The following CPNE8 variants were observed in gnomAD, a reference collection of about 807,000 sequenced individuals.
The protein encoded by CPNE8 is copine-8.
CPNE8 carries 45 observed loss-of-function variants against 81.5 expected under a neutral mutation model. The ratio of observed to expected loss-of-function variants is 0.55; its 90% confidence interval spans 0.44 to 0.71. The LOEUF (loss-of-function observed/expected upper bound fraction) is 0.71, where lower values mean the gene tolerates loss of function less well. CPNE8 is among the 30% of genes least tolerant of loss of function. The probability of loss-of-function intolerance (pLI) is 0.00; values close to 1 mark genes in which losing one functional copy is unlikely to be tolerated. For missense variants in CPNE8, 594 were observed against 672.1 expected, an observed-to-expected ratio of 0.88 and a Z score of 1.28; for synonymous variants, 252 against 226.3, an observed-to-expected ratio of 1.11 and a Z score of -1.02.
chr12:38,831,405 A>AT (rs1821514664), intron 5 of CPNE8, among the ~76,000 whole-genome samples: 2 of 152,168 alleles, frequency 1.3e-5, no homozygotes, highest in South Asian at 4.1e-4. Context: ...GAGGAAAAAA[A>AT]CTAGAAGCCA....
chr12:38,786,990 T>A (rs1942205779), intron 6 of CPNE8, among the ~76,000 whole-genome samples: 1 of 151,652 alleles, frequency 6.6e-6, no homozygotes, highest in Admixed American at 6.6e-5. Flanking sequence ...GAGAAACAGA[T>A]CCCAATACAA....
At chr12:38,885,740 T>G (rs76054827) in intron 1 of CPNE8, among the ~76,000 whole-genome samples, 14,674 of 152,084 alleles carry the variant, frequency 0.096, 988 homozygotes, top group African/African-American at 0.2. Flanking sequence ...CAGGTAGAAT[T>G]GTAATCCTCA....
chr12:38,761,613 G>A (rs961520128), intron 9 of CPNE8, among the ~76,000 whole-genome samples: 32 of 152,042 alleles, frequency 2.1e-4, no homozygotes, highest in African/African-American at 6.8e-4. Flanking sequence ...TGGGATGGAT[G>A]GGGTTTTTAT....
At chr12:38,868,231 A>G (rs1943943533) in intron 3 of CPNE8, among the ~76,000 whole-genome samples, 2 of 152,102 alleles carry the variant, frequency 1.3e-5, no homozygotes, top group African/African-American at 4.8e-5. Flanking sequence ...ATTATATTGC[A>G]TGCTCCCTGA....
At chr12:38,753,254 C>G (rs967862610) in intron 10 of CPNE8, among the ~76,000 whole-genome samples, 2 of 152,016 alleles carry the variant, frequency 1.3e-5, no homozygotes, top group African/African-American at 4.8e-5. Flanking sequence ...GAGTTTGAGA[C>G]AAGCCTGGTC....
intron 6 of CPNE8, among the ~76,000 whole-genome samples, chr12:38,826,959 G>A (rs1292376118): frequency 6.7e-6 from 1 of 150,104 alleles, no homozygotes; most frequent in Non-Finnish European, 1.5e-5. Context: ...CACGAGGTCA[G>A]GAGTTCGAGA....
rs148625371 is a variant in CPNE8, at chr12:38,744,893, C to T, written c.723-14535G>A. On this transcript the variant is annotated intron_variant, in intron 10 of 19. Coordinates refer to ENST00000331366, the MANE Select transcript of CPNE8 (RefSeq NM_153634.3). The stretch of plus-strand genomic sequence containing the variant: ...ATTATTCTTTTTCTTACCTTTCCTA[C>T]CAACCTAATATAGGTTTTCATTACT... 3.0e-3 allele frequency among the ~76,000 whole-genome samples: 455 copies of T among 152,334 alleles called. 5 individuals carry two copies. Among genetic ancestry groups the T allele is most frequent in the African/African-American group, 9.8e-3 (406 of 41,584 alleles).
chr12:38,753,941 A>T (rs1941405924), intron 10 of CPNE8, among the ~76,000 whole-genome samples: 1 of 152,244 alleles, frequency 6.6e-6, no homozygotes, highest in Non-Finnish European at 1.5e-5. Flanking sequence ...GTCTTGGAAC[A>T]TATTCCCCCA....
At chr12:38,730,487 T>C (rs1010839880) in intron 10 of CPNE8, 129 bp from the exon 11 acceptor site, 4 of 480,998 alleles carry the variant, frequency 8.3e-6, no homozygotes, top group Non-Finnish European at 1.5e-5. Flanking sequence ...AAATTAATAA[T>C]TTACAAAATA....
At chr12:38,742,753 C>T (rs1941139829) in intron 10 of CPNE8, among the ~76,000 whole-genome samples, 1 of 151,342 alleles carries the variant, frequency 6.6e-6, no homozygotes, top group African/African-American at 2.4e-5. Context: ...TCAGAAATTT[C>T]TTCTGTTGTT....
At chr12:38,789,798 C>A (rs80233489) in intron 6 of CPNE8, among the ~76,000 whole-genome samples, 3 of 151,646 alleles carry the variant, frequency 2.0e-5, no homozygotes, top group Non-Finnish European at 3.0e-5. Context: ...AGATCTGAAT[C>A]GACATTTCTC....
intron 6 of CPNE8, among the ~76,000 whole-genome samples, chr12:38,824,443 C>T (rs918072980): frequency 1.3e-5 from 2 of 151,880 alleles, no homozygotes; most frequent in Non-Finnish European, 2.9e-5. Context: ...CCCAATTTTA[C>T]AGTTATCATA....
At chr12:38,756,034 C>T (rs1405611676) in intron 10 of CPNE8, among the ~76,000 whole-genome samples, 19 of 13,494 alleles carry the variant, frequency 1.4e-3, no homozygotes, top group African/African-American at 1.8e-3. Flanking sequence ...AGCGAGACTC[C>T]GTCTCAAAAA....
At chr12:38,737,822 ATTCT>A (rs1483519807) in intron 10 of CPNE8, among the ~76,000 whole-genome samples, 1 of 93,442 alleles carries the variant, frequency 1.1e-5, no homozygotes, top group African/African-American at 4.5e-5. Context: ...ACACATACTC[ATTCT>A]CTCTCTCTCT....
intron 1 of CPNE8, among the ~76,000 whole-genome samples, chr12:38,900,609 G>A (rs1324660664): frequency 1.3e-5 from 2 of 152,190 alleles, no homozygotes; most frequent in African/African-American, 4.8e-5. Context: ...AGAAGGGGAA[G>A]GGAGGTAGGG....
rs184120249 is a variant in CPNE8 at position 38,796,878 on chromosome 12, C to T, written c.408-20577G>A. On this transcript the variant is annotated intron_variant, in intron 6 of 19. Transcript: ENST00000331366. ...CTTTTCCGACGGGCTTAAAAAATGG[C>T]GCACCAGGAGATTATATCCCGCACA... Among the ~76,000 whole-genome samples, 897 of 152,150 alleles carry T rather than the reference C, an allele frequency of 5.9e-3. 3 individuals are homozygous for T. The highest frequency in any genetic ancestry group is 0.01 in the Admixed American group (156 of 15,284).
intron 6 of CPNE8, among the ~76,000 whole-genome samples, chr12:38,811,996 A>C (rs1352750378): frequency 1.3e-5 from 2 of 152,220 alleles, no homozygotes; most frequent in East Asian, 3.8e-4. Flanking sequence ...ATAAGCACAT[A>C]GTAATGATGT....
intron 10 of CPNE8, among the ~76,000 whole-genome samples, chr12:38,734,201 A>G (rs1420867496): frequency 6.6e-6 from 1 of 151,980 alleles, no homozygotes; most frequent in Admixed American, 6.6e-5. Context: ...CCTGCTACAC[A>G]ATGGGCACAG....
intron 19 of CPNE8, among the ~76,000 whole-genome samples, chr12:38,662,557 A>G (rs887595698): frequency 2.0e-5 from 3 of 152,186 alleles, no homozygotes; most frequent in African/African-American, 7.2e-5. Context: ...TAAAATGACC[A>G]TACTACCCAA....
Sources: gnomAD v4.1 joint callset for allele counts (sites outside exome capture counted in the v4.1 genomes callset) on GRCh38, gnomAD v4.1.1 for gene constraint, MANE v1.5 for transcripts, NCBI Gene and HGNC (gene_info 2026-07-23, HGNC 2026-07-21) for gene names.